The following NPSR1 variants were observed in gnomAD, a reference collection of about 807,000 sequenced individuals.
The protein encoded by NPSR1 is neuropeptide S receptor 1.
Under a neutral mutation model 46.9 loss-of-function variants are expected in NPSR1, and 48 were observed. The ratio of observed to expected loss-of-function variants is 1.02; its 90% CI spans 0.81 to 1.30. The LOEUF is 1.30. Among genes scored for constraint, NPSR1 ranks in the 50% most tolerant of loss-of-function variants. The pLI, the probability that NPSR1 is intolerant of heterozygous loss-of-function variation, is 0.00. For synonymous variants in NPSR1, 176 were observed against 168.1 expected, an observed-to-expected ratio of 1.05 and a Z score of -0.36; for missense variants, 450 against 449.5, an observed-to-expected ratio of 1.00 and a Z score of -0.01.
At chr7:34,754,327 T>C (rs1426361119) in intron 2 of NPSR1, among the ~76,000 whole-genome samples, 1 of 152,192 alleles carries the variant, frequency 6.6e-6, no homozygotes, top group Non-Finnish European at 1.5e-5. Context: ...AGTGGTTGCT[T>C]CTGAAAAAAG....
chr7:34,660,129 C>A (rs1248664237), intron 1 of NPSR1: 2 of 456,742 alleles, frequency 4.4e-6, no homozygotes, highest in Admixed American at 4.7e-5. Flanking sequence ...CTAGCAACAT[C>A]ATCGCCAGAC....
At chr7:34,766,698 G>A (rs950478962) in intron 2 of NPSR1, among the ~76,000 whole-genome samples, 2 of 151,574 alleles carry the variant, frequency 1.3e-5, no homozygotes, top group Admixed American at 6.6e-5. Context: ...TCAGCCTCCC[G>A]AGTAGCTGGG....
chr7:34,678,551 G>A (rs1792445186), intron 1 of NPSR1, among the ~76,000 whole-genome samples: 1 of 152,164 alleles, frequency 6.6e-6, no homozygotes, highest in Admixed American at 6.5e-5. Context: ...CAGTGGCCGG[G>A]CGCGGTGGCT....
At chr7:34,755,261 GT>G (rs1425437744) in intron 2 of NPSR1, among the ~76,000 whole-genome samples, 1 of 152,166 alleles carries the variant, frequency 6.6e-6, no homozygotes, top group Non-Finnish European at 1.5e-5. Flanking sequence ...ACCAACATTT[GT>G]TGTTTGGGGA....
chr7:34,821,751 C>G (rs1236548508), intron 4 of NPSR1, among the ~76,000 whole-genome samples: 1 of 152,120 alleles, frequency 6.6e-6, no homozygotes, highest in African/African-American at 2.4e-5. Flanking sequence ...CCTAAATTAT[C>G]AGAAAGGCAG....
Position 34,827,484 on chromosome 7 carries a change from A to T in NPSR1, c.562A>T (p.Arg188Trp). Residue 188 changes from arginine to tryptophan, a missense_variant, in exon 5 of 9, where the codon AGG becomes TGG. By Grantham distance (101) the Arg-to-Trp change is moderately radical. Coordinates refer to ENST00000360581, the MANE Select transcript of NPSR1 (RefSeq NM_207172.2). ...SIPTLIIFGK[R>W]TLSNGEVQCW... ...TCCCACCCTGATCATATTTGGGAAG[A>T]GGACACTGTCCAACGGTGAAGTGCA... 1 of 1,614,072 alleles carries T rather than the reference A, an allele frequency of 6.2e-7. No individual in the cohort carries two copies. The highest frequency in any genetic ancestry group is 8.5e-7 in the Non-Finnish European group (1 of 1,179,956).
chr7:34,708,058 C>T (rs1312539122), intron 2 of NPSR1, among the ~76,000 whole-genome samples: 1 of 152,102 alleles, frequency 6.6e-6, no homozygotes, highest in Admixed American at 6.6e-5. Flanking sequence ...CCCAGAATTA[C>T]CTCATCTTTT....
At chr7:34,720,058 G>A (rs1783774836) in intron 2 of NPSR1, among the ~76,000 whole-genome samples, 1 of 151,948 alleles carries the variant, frequency 6.6e-6, no homozygotes, top group Non-Finnish European at 1.5e-5. Context: ...GAGGCGGGTG[G>A]ATCATGAGGT....
intron 1 of NPSR1, among the ~76,000 whole-genome samples, chr7:34,683,908 A>C (rs1301753115): frequency 6.6e-6 from 1 of 152,220 alleles, no homozygotes; most frequent in Non-Finnish European, 1.5e-5. Flanking sequence ...AACATTCTTC[A>C]GTAGAACTTT....
intron 3 of NPSR1, among the ~76,000 whole-genome samples, chr7:34,780,811 C>T (rs1787196332): frequency 6.6e-6 from 1 of 152,138 alleles, no homozygotes. Context: ...CTGGAAGACT[C>T]CACTTGCAAG....
chr7:34,776,166 T>C (rs1786948775), intron 2 of NPSR1, among the ~76,000 whole-genome samples: 1 of 152,158 alleles, frequency 6.6e-6, no homozygotes, highest in South Asian at 2.1e-4. Flanking sequence ...AGTCTACTCT[T>C]GAGAATGACC....
chr7:34,867,244 G>A (rs1318753966), intron 8 of NPSR1, among the ~76,000 whole-genome samples: 1 of 151,878 alleles, frequency 6.6e-6, no homozygotes, highest in Non-Finnish European at 1.5e-5. Flanking sequence ...CAGATGGGAG[G>A]AGGGATGGTG....
chr7:34,780,364 C>A (rs1253232339), intron 3 of NPSR1, among the ~76,000 whole-genome samples: 1 of 152,068 alleles, frequency 6.6e-6, no homozygotes, highest in Non-Finnish European at 1.5e-5. Context: ...TAGAAATATT[C>A]ATGTCAGTAA....
chr7:34,665,876 CCA>C (rs1791725591), intron 1 of NPSR1, among the ~76,000 whole-genome samples: 1 of 151,760 alleles, frequency 6.6e-6, no homozygotes, highest in African/African-American at 2.4e-5. Context: ...ACACACATGC[CCA>C]CACACACACA....
At chr7:34,689,656 A>G (rs1278031275) in intron 2 of NPSR1, among the ~76,000 whole-genome samples, 1 of 148,632 alleles carries the variant, frequency 6.7e-6, no homozygotes, top group Non-Finnish European at 1.5e-5. Context: ...AAAGAAAGAA[A>G]TCTAGGCAGG....
intron 2 of NPSR1, among the ~76,000 whole-genome samples, chr7:34,711,942 C>T (rs762020331): frequency 4.6e-5 from 7 of 152,232 alleles, no homozygotes; most frequent in Non-Finnish European, 1.0e-4. Context: ...CTGTCTCTAA[C>T]CAATTAGAAT....
chr7:34,694,131 C>G (rs560282926), intron 2 of NPSR1, among the ~76,000 whole-genome samples: 3 of 152,020 alleles, frequency 2.0e-5, no homozygotes, highest in Non-Finnish European at 1.5e-5. Flanking sequence ...TTCAACATAG[C>G]ACTGAAAGTC....
At chr7:34,697,657 G>C (rs573846977) in intron 2 of NPSR1, among the ~76,000 whole-genome samples, 42 of 151,666 alleles carry the variant, frequency 2.8e-4, no homozygotes, top group African/African-American at 1.0e-3. Flanking sequence ...CTTAAAATTT[G>C]TATCATTTTA....
At chr7:34,796,711 A>C in intron 3 of NPSR1, among the ~76,000 whole-genome samples, 1 of 152,344 alleles carries the variant, frequency 6.6e-6, no homozygotes, top group East Asian at 1.9e-4. Context: ...AGCAACAGGA[A>C]CGTTCACTCA....
Sources: gnomAD v4.1 joint callset for allele counts (sites outside exome capture counted in the v4.1 genomes callset) on GRCh38, gnomAD v4.1.1 for gene constraint, MANE v1.5 for transcripts, NCBI Gene and HGNC (gene_info 2026-07-23, HGNC 2026-07-21) for gene names.